The following CDH15 variants were observed in gnomAD, a reference collection of about 807,000 sequenced individuals.
The protein encoded by CDH15 is cadherin 15.
Under a neutral mutation model 69.4 loss-of-function variants are expected in CDH15, and 73 were observed. The ratio of observed to expected loss-of-function variants is 1.05; its 90% confidence interval spans 0.87 to 1.28. CDH15 has a LOEUF of 1.28. CDH15 is among the 50% of genes most tolerant of loss of function. The probability of loss-of-function intolerance (pLI) is 0.00; values close to 1 mark genes in which losing one functional copy is unlikely to be tolerated. For missense variants in CDH15, 1,343 were observed against 1,133.6 expected (o/e 1.18, Z -2.65); for synonymous variants, 624 against 507.7 (o/e 1.23, Z -3.08).
Position 89,188,236 on chromosome 16 carries a change from C to G in CDH15, c.929C>G (p.Thr310Ser), listed in dbSNP as rs763854097. 3.1e-6 allele frequency: 5 copies of G among 1,613,484 alleles called. No homozygotes were observed. Among genetic ancestry groups the G allele is most frequent in the Non-Finnish European group, 4.2e-6 (5 of 1,179,970 alleles). Residue 310 changes from threonine (T) to serine (S), a missense_variant, in exon 7 of 14, where the codon ACC becomes AGC. Thr to Ser is a moderately conservative substitution (Grantham distance 58). Coordinates refer to ENST00000289746, the MANE Select transcript of CDH15 (RefSeq NM_004933.3). ...ILEGDPDGQF[T>S]IRTDPKTNEG... ...GAAGGCGACCCCGATGGGCAGTTCA[C>G]CATCCGCACGGACCCCAAGACCAAC...
intron 13 of CDH15, 32 bp from the exon 14 acceptor site, chr16:89,194,829 CA>C (rs1915761243): frequency 6.3e-7 from 1 of 1,579,240 alleles, no homozygotes; most frequent in Admixed American, 1.8e-5. Flanking sequence ...CTGGCCCCTC[CA>C]TGTGTCTTGA....
At chr16:89,191,290 G>A (rs761404130) in intron 8 of CDH15, 40 bp from the exon 9 acceptor site, 2 of 1,611,910 alleles carry the variant, frequency 1.2e-6, no homozygotes, top group East Asian at 4.5e-5. Context: ...TGGGGCCCTG[G>A]GGTAAACTCA....
chr16:89,177,216 A>G (rs527452849), intron 1 of CDH15, among the ~76,000 whole-genome samples: 1 of 151,176 alleles, frequency 6.6e-6, no homozygotes, highest in Non-Finnish European at 1.5e-5. Flanking sequence ...TCTCACCCCC[A>G]CAGCCCTGCA....
chr16:89,182,156 GCCCTCCCCCAGCCTC>G (rs2151599953), intron 3 of CDH15, among the ~76,000 whole-genome samples: 1 of 11,140 alleles, frequency 9.0e-5, no homozygotes, highest in East Asian at 4.9e-3. Flanking sequence ...CCCCCAGCCT[GCCCTCCCCCAGCCTC>G]CCCTCCCCCA....
intron 6 of CDH15, 70 bp downstream of exon 6, chr16:89,187,627 GA>G: frequency 1.9e-6 from 3 of 1,593,998 alleles, no homozygotes; most frequent in Non-Finnish European, 2.6e-6. Context: ...GGCTCCTGCA[GA>G]AGGCAGCGGG....
In CDH15 at chr16:89,193,898, C is replaced by T. The variant is rs1361551426; in HGVS notation, c.2136C>T (p.Ala712=). Residue 712 remains alanine, a synonymous_variant, in exon 13 of 14, where the codon GCC becomes GCT. Transcript: ENST00000289746. ...TGCCCACCAGCCCCCTGGACATCGC[C>T]GACTTCATCAATGATGTAGGTGCTC... is the stretch of plus-strand genomic sequence containing the variant. The part of the protein sequence containing the change: ...RVLPTSPLDI[A]DFINDGLEAA... The T allele has an allele frequency of 6.2e-7, 1 of 1,612,220 alleles. No individual in the cohort carries two copies.
intron 7 of CDH15, among the ~76,000 whole-genome samples, chr16:89,189,342 C>G (rs940837713): frequency 4.3e-5 from 6 of 139,432 alleles, no homozygotes; most frequent in African/African-American, 1.6e-4. Context: ...CACACAGATG[C>G]CCACACACAG....
chr16:89,185,376 C>G, intron 5 of CDH15, 43 bp downstream of exon 5: 1 of 1,555,944 alleles, frequency 6.4e-7, no homozygotes, highest in Non-Finnish European at 8.7e-7. Context: ...ACGGCCAGGG[C>G]AGCCCATCTC....
At chr16:89,185,671 C>A in intron 5 of CDH15, 1 of 393,770 alleles carries the variant, frequency 2.5e-6, no homozygotes, top group Admixed American at 3.8e-5. Flanking sequence ...CCCTGTTGCC[C>A]CTTGCTGTCG....
chr16:89,191,260 C>T (rs950818742), intron 8 of CDH15, 70 bp from the exon 9 acceptor site: 3 of 1,580,988 alleles, frequency 1.9e-6, no homozygotes, highest in Admixed American at 3.3e-5. Context: ...ATGTCACGCA[C>T]CCATACCTGA....
chr16:89,185,745 C>T (rs1439241757), intron 5 of CDH15: 12 of 309,042 alleles, frequency 3.9e-5, no homozygotes, highest in South Asian at 6.0e-5. Context: ...CCTGGTTACA[C>T]TGTTACGTGG....
intron 5 of CDH15, 186 bp downstream of exon 5, chr16:89,185,519 C>T (rs771983437): frequency 1.2e-4 from 86 of 743,350 alleles, no homozygotes; most frequent in South Asian, 2.1e-4. Flanking sequence ...ACAGGAGCCG[C>T]GCTGGCCCGG....
rs756548171 is a variant in CDH15, at chr16:89,191,651, G to C, written c.1376-4G>C. On this transcript the variant is annotated splice_region_variant and splice_polypyrimidine_tract_variant and intron_variant, in intron 9 of 13. Coordinates refer to ENST00000289746, the MANE Select transcript of CDH15 (RefSeq NM_004933.3). ...TCACTAAGCCGCGGCCTCCTCGCCT[G>C]CAGCCTCCCAGCCCCGCACCGCCAC... 5.1e-6 allele frequency: 8 copies of C among 1,582,468 alleles called. No individual in the cohort carries two copies. In the East Asian group the frequency reaches 1.6e-4, roughly 32 times the overall value.
rs555622852 is a variant in CDH15 at position 89,192,237 on chromosome 16, G to C, written c.1648G>C (p.Val550Leu). The C allele has an allele frequency of 1.2e-4, 190 of 1,529,564 alleles. No individual in the cohort carries two copies. Among genetic ancestry groups the C allele is most frequent in the Non-Finnish European group, 1.5e-4 (176 of 1,144,744 alleles). 94.7% of individuals were successfully genotyped at this position (1,529,564 alleles called of 1,614,324 possible). A position where few individuals can be genotyped will look rare whatever the true frequency, so the allele number is the denominator to read the frequency against. ...CGCGCGCCTGCGGCCGCGACACCAGGTCCCCGAAGGCCTGCACCGCCTCAG... is the reference window on the plus strand; with the variant it reads ...CGCGCGCCTGCGGCCGCGACACCAGCTCCCCGAAGGCCTGCACCGCCTCAG... ...SHARLRPRHQVPEGLHRLSLL... is the reference protein window; with the variant it reads ...SHARLRPRHQLPEGLHRLSLL... Residue 550 changes from valine to leucine, a missense_variant, in exon 11 of 14, where the codon GTC becomes CTC. By Grantham distance (32) the Val-to-Leu change is conservative. Transcript: ENST00000289746.
rs1915712899 is a variant in CDH15, at chr16:89,193,678, G to T, written c.1992+72G>T. On this transcript the variant is annotated intron_variant, in intron 12 of 13. Coordinates refer to ENST00000289746, the MANE Select transcript of CDH15 (RefSeq NM_004933.3). ...TCGCGGGCCTTCTTACAACAAGCTG[G>T]CCAGGAGCCTGTACCTGAGACCTCC... 7 of 1,568,930 alleles carry T rather than the reference G, an allele frequency of 4.5e-6. No individual in the cohort carries two copies. In the Admixed American group the frequency reaches 5.7e-5, roughly 13 times the overall value.
At chr16:89,193,683 G>A (rs1915713150) in intron 12 of CDH15, 72 bp from the exon 13 acceptor site, 7 of 1,571,090 alleles carry the variant, frequency 4.5e-6, no homozygotes, top group African/African-American at 1.4e-5. Context: ...AGCTGGCCAG[G>A]AGCCTGTACC....
At position 89,187,517 on chromosome 16, in the gene CDH15, A is replaced by G. The variant is rs768173830; in HGVS notation, c.752A>G (p.Asp251Gly). The change falls in exon 6 of 14, where the codon GAT becomes GGT. Residue 251 changes from aspartate (D) to glycine (G), a missense_variant. Asp to Gly is a moderately conservative substitution (Grantham distance 94, BLOSUM62 -1). Transcript: ENST00000289746. ...TATASAIITL[D>G]DINDNAPEFT... The stretch of plus-strand genomic sequence containing the variant: ...ACTGCCTCAGCCATCATCACCCTTG[A>G]TGACATCAATGACAATGCCCCCGAG... 2 of 1,613,728 alleles carry G rather than the reference A, an allele frequency of 1.2e-6. No homozygotes were observed. The highest frequency in any genetic ancestry group is 2.2e-5 in the South Asian group (2 of 91,090).
intron 8 of CDH15, 97 bp from the exon 9 acceptor site, chr16:89,191,233 C>T (rs1567776190): frequency 1.4e-6 from 2 of 1,380,318 alleles, no homozygotes; most frequent in Admixed American, 1.7e-5. Context: ...ATGTGTGTGC[C>T]TGTGTGTGTG....
rs868279691 is a variant in CDH15, at chr16:89,191,318, C to G, written c.1233-12C>G. 1 of 1,612,756 alleles carries G rather than the reference C, an allele frequency of 6.2e-7. No individual in the cohort carries two copies. Among genetic ancestry groups the G allele is most frequent in the Non-Finnish European group, 8.5e-7 (1 of 1,179,982 alleles). On this transcript the variant is annotated splice_polypyrimidine_tract_variant and intron_variant, in intron 8 of 13. Coordinates refer to ENST00000289746, the MANE Select transcript of CDH15 (RefSeq NM_004933.3). ...TAAACTCAGATCCCACTCTTCCCCTCCCCTGCATCAGCTACTCCAAGGACT... is the reference window on the plus strand; with the variant it reads ...TAAACTCAGATCCCACTCTTCCCCTGCCCTGCATCAGCTACTCCAAGGACT...
Sources: gnomAD v4.1 joint callset for allele counts (sites outside exome capture counted in the v4.1 genomes callset) on GRCh38, gnomAD v4.1.1 for gene constraint, MANE v1.5 for transcripts, NCBI Gene and HGNC (gene_info 2026-07-23, HGNC 2026-07-21) for gene names.